The following SYT1 variants were observed in gnomAD, a reference collection of about 807,000 sequenced individuals.
The protein encoded by SYT1 is synaptotagmin-1.
Under a neutral mutation model 44.8 loss-of-function variants are expected in SYT1, and 8 were observed. That is an observed-to-expected ratio of 0.18 (90% CI 0.10 to 0.32). SYT1 has a LOEUF of 0.32. SYT1 is among the 10% of genes least tolerant of loss of function. SYT1 has a pLI of 1.00. For missense variants in SYT1, 286 were observed against 509.3 expected, an observed-to-expected ratio of 0.56 and a Z score of 4.22; for synonymous variants, 154 against 188.8, an observed-to-expected ratio of 0.82 and a Z score of 1.51.
intron 4 of SYT1, among the ~76,000 whole-genome samples, chr12:79,256,242 T>C (rs976015117): frequency 1.3e-5 from 2 of 152,234 alleles, no homozygotes; most frequent in African/African-American, 4.8e-5. Flanking sequence ...ACATATTTTC[T>C]CTACTAATAT....
intron 1 of SYT1, among the ~76,000 whole-genome samples, chr12:78,867,826 T>A (rs1873622524): frequency 6.6e-6 from 1 of 152,020 alleles, no homozygotes; most frequent in Admixed American, 6.5e-5. Flanking sequence ...TTATACGATT[T>A]GCATATTAGA....
At chr12:79,300,815 ATATATATATT>A (rs1324755272) in intron 8 of SYT1, among the ~76,000 whole-genome samples, 4 of 139,286 alleles carry the variant, frequency 2.9e-5, no homozygotes, top group African/African-American at 1.1e-4. Flanking sequence ...ATATATATAT[ATATATATATT>A]TACTGTCTCA....
chr12:79,120,327 A>G (rs1055666047), intron 3 of SYT1, among the ~76,000 whole-genome samples: 23 of 152,046 alleles, frequency 1.5e-4, no homozygotes, highest in African/African-American at 5.3e-4. Flanking sequence ...GGATTGAAAA[A>G]CTACCTATTG....
intron 4 of SYT1, among the ~76,000 whole-genome samples, chr12:79,235,054 C>T (rs1359464663): frequency 6.6e-6 from 1 of 152,126 alleles, no homozygotes; most frequent in Non-Finnish European, 1.5e-5. Flanking sequence ...TATTTTTGGG[C>T]AACTCTTTAA....
At chr12:79,076,546 A>T (rs1248978613) in intron 3 of SYT1, among the ~76,000 whole-genome samples, 4 of 152,166 alleles carry the variant, frequency 2.6e-5, no homozygotes, top group African/African-American at 9.7e-5. Flanking sequence ...AAATTAACCA[A>T]ATCAGGTGAA....
rs150729036 is a variant in SYT1, at chr12:79,092,882, T to G, written c.-18+45520T>G. Among the ~76,000 whole-genome samples, 10 of 151,830 alleles carry G rather than the reference T, an allele frequency of 6.6e-5. No homozygotes were observed. In the East Asian group the frequency reaches 1.9e-3, roughly 29 times the overall value. ...CCATGGTTAAAAACCTAATGAGAAT[T>G]CATAACAAGTCATTGACAAGGAAAT... On this transcript the variant is annotated intron_variant, in intron 3 of 10. Coordinates refer to ENST00000261205, the MANE Select transcript of SYT1 (RefSeq NM_005639.3).
intron 2 of SYT1, among the ~76,000 whole-genome samples, chr12:78,985,002 G>A (rs116154082): frequency 0.01 from 1,553 of 152,004 alleles, 28 homozygotes; most frequent in African/African-American, 0.034. Context: ...TGCATCAAGT[G>A]TGGATTTAAA....
chr12:78,957,614 CTTTTT>C (rs1407726016), intron 1 of SYT1, among the ~76,000 whole-genome samples: 3 of 152,070 alleles, frequency 2.0e-5, no homozygotes, highest in Non-Finnish European at 4.4e-5. Context: ...GATCCTGTTT[CTTTTT>C]AAAGGAAAAG....
intron 3 of SYT1, among the ~76,000 whole-genome samples, chr12:79,210,610 T>C (rs1373659624): frequency 6.6e-6 from 1 of 152,234 alleles, no homozygotes; most frequent in Admixed American, 6.5e-5. Flanking sequence ...AGTATTCCAT[T>C]GCATAAATAT....
At chr12:79,122,243 G>T (rs150844935) in intron 3 of SYT1, among the ~76,000 whole-genome samples, 1,990 of 152,074 alleles carry the variant, frequency 0.013, 52 homozygotes, top group African/African-American at 0.045. Flanking sequence ...GGCCGGGCGC[G>T]GTGGCTCACG....
At chr12:79,019,146 G>C (rs866584328) in intron 2 of SYT1, among the ~76,000 whole-genome samples, 6 of 151,826 alleles carry the variant, frequency 4.0e-5, no homozygotes, top group Admixed American at 3.9e-4. Context: ...TGTATCAAGG[G>C]GTCACAGATT....
chr12:79,446,792 A>T (rs914455830), intron 10 of SYT1, among the ~76,000 whole-genome samples: 2 of 152,058 alleles, frequency 1.3e-5, no homozygotes, highest in Admixed American at 1.3e-4. Context: ...CCACTCACAA[A>T]CCCTCAAGAC....
chr12:79,321,394 A>G (rs1397996310), intron 8 of SYT1, among the ~76,000 whole-genome samples: 1 of 152,244 alleles, frequency 6.6e-6, no homozygotes. Context: ...AAAGAAATGT[A>G]TCATGTGAAT....
chr12:79,284,824 C>T (rs1023526303), intron 4 of SYT1, among the ~76,000 whole-genome samples: 2 of 141,634 alleles, frequency 1.4e-5, no homozygotes, highest in African/African-American at 2.7e-5. Flanking sequence ...GGCAAGAGAG[C>T]GAGACTCCAT....
intron 8 of SYT1, among the ~76,000 whole-genome samples, chr12:79,316,422 T>G (rs1253646627): frequency 1.3e-5 from 2 of 152,204 alleles, no homozygotes. Context: ...TTACTTCCAG[T>G]TTGAGATTGT....
chr12:79,077,167 T>C (rs1256685620), intron 3 of SYT1, among the ~76,000 whole-genome samples: 1 of 152,134 alleles, frequency 6.6e-6, no homozygotes, highest in East Asian at 1.9e-4. Flanking sequence ...TTATTCCTGC[T>C]TGGTTTCTGT....
chr12:79,103,834 A>G (rs903847792), intron 3 of SYT1, among the ~76,000 whole-genome samples: 2 of 152,146 alleles, frequency 1.3e-5, no homozygotes, highest in African/African-American at 4.8e-5. Context: ...GCTTCAACAG[A>G]TAATGCCAGA....
At chr12:79,316,881 A>C (rs1209671541) in intron 8 of SYT1, among the ~76,000 whole-genome samples, 1 of 152,236 alleles carries the variant, frequency 6.6e-6, no homozygotes, top group Non-Finnish European at 1.5e-5. Context: ...TCTTAGGAGA[A>C]AGTATGGCAT....
In SYT1 at chr12:79,111,579, G is replaced by A. The variant is rs528221531; in HGVS notation, c.-18+64217G>A. 7.2e-5 allele frequency among the ~76,000 whole-genome samples: 11 copies of A among 152,034 alleles called. No homozygotes were observed. In the South Asian group the frequency reaches 2.3e-3, roughly 32 times the overall value. On this transcript the variant is annotated intron_variant, in intron 3 of 10. Transcript: ENST00000261205. ...ACACTCAAGAAGTATTTGTTGAATA[G>A]ACAAATATGATATATTTCAAAGTAT...
Sources: gnomAD v4.1 joint callset for allele counts (sites outside exome capture counted in the v4.1 genomes callset) on GRCh38, gnomAD v4.1.1 for gene constraint, MANE v1.5 for transcripts, NCBI Gene and HGNC (gene_info 2026-07-23, HGNC 2026-07-21) for gene names.